The following TNC variants were observed in gnomAD, a reference collection of about 807,000 sequenced individuals.
The protein encoded by TNC is tenascin C.
Under a neutral mutation model 202.4 loss-of-function variants are expected in TNC, and 109 were observed. The ratio of observed to expected loss-of-function variants is 0.54; its 90% CI spans 0.46 to 0.63. TNC has a LOEUF of 0.63. TNC is among the 30% of genes least tolerant of loss of function. TNC has a pLI of 0.00. For synonymous variants in TNC, 1,007 were observed against 1,089.7 expected (o/e 0.92, Z 1.50); for missense variants, 2,756 against 2,833.3 (o/e 0.97, Z 0.62).
chr9:115,075,931 A>C, intron 9 of TNC, 101 bp downstream of exon 9: 1 of 1,029,146 alleles, frequency 9.7e-7, no homozygotes, highest in African/African-American at 1.6e-5. Context: ...TTTTTCCTCC[A>C]GGCTTCTACT....
At chr9:115,026,990 T>C (rs1343395777) in intron 25 of TNC, among the ~76,000 whole-genome samples, 3 of 151,780 alleles carry the variant, frequency 2.0e-5, no homozygotes, top group African/African-American at 4.8e-5. Flanking sequence ...GTGCCTGTAG[T>C]CCCAGCTACT....
Position 115,021,268 on chromosome 9 carries a change from C to A in TNC, c.6496-1G>T. 6.3e-7 allele frequency: 1 copy of A among 1,592,150 alleles called. No homozygotes were observed. The highest frequency in any genetic ancestry group is 1.8e-5 in the Admixed American group (1 of 56,606). ...CCTTCCAGTGGAACCAGTTAACGCCCTGTTAAAAAAAAAAAAGAGAGAGAG... is the reference window on the plus strand; with the variant it reads ...CCTTCCAGTGGAACCAGTTAACGCCATGTTAAAAAAAAAAAAGAGAGAGAG... On this transcript the variant is annotated splice_acceptor_variant, in intron 27 of 27. Coordinates refer to ENST00000350763, the MANE Select transcript of TNC (RefSeq NM_002160.4). LOFTEE classifies it high-confidence loss of function.
intron 1 of TNC, among the ~76,000 whole-genome samples, chr9:115,098,778 A>G (rs1180004002): frequency 6.6e-6 from 1 of 152,120 alleles, no homozygotes; most frequent in Non-Finnish European, 1.5e-5. Context: ...TACAGGCCAA[A>G]GAGTTTTATT....
At chr9:115,054,995 T>C (rs190000937) in intron 15 of TNC, among the ~76,000 whole-genome samples, 1 of 152,202 alleles carries the variant, frequency 6.6e-6, no homozygotes. Context: ...TCAGAGTCTA[T>C]TCTCAGCATG....
chr9:115,030,686 A>G (rs1268187924), intron 23 of TNC, among the ~76,000 whole-genome samples: 2 of 152,190 alleles, frequency 1.3e-5, no homozygotes, highest in Admixed American at 1.3e-4. Context: ...CCCTAGTATA[A>G]GAGCATCTTT....
intron 3 of TNC, among the ~76,000 whole-genome samples, chr9:115,085,272 A>C (rs1306856974): frequency 6.6e-6 from 1 of 152,218 alleles, no homozygotes; most frequent in Non-Finnish European, 1.5e-5. Context: ...ACAATCAAAA[A>C]AACAAAACCA....
chr9:115,095,946 C>T (rs1835759745), intron 1 of TNC, among the ~76,000 whole-genome samples: 2 of 151,948 alleles, frequency 1.3e-5, no homozygotes, highest in Admixed American at 6.6e-5. Flanking sequence ...TGGCACAAAA[C>T]GCAGATTTTT....
intron 4 of TNC, among the ~76,000 whole-genome samples, chr9:115,083,916 C>T (rs1303132921): frequency 6.6e-6 from 1 of 152,116 alleles, no homozygotes; most frequent in African/African-American, 2.4e-5. Flanking sequence ...AATGAGGACT[C>T]TTATACTAAT....
Position 115,084,197 on chromosome 9 carries a change from C to T in TNC, c.2131+12G>A, listed in dbSNP as rs781430829. The T allele has an allele frequency of 8.7e-6, 14 of 1,611,522 alleles. No homozygotes were observed. The African/African-American group carries it at 1.7e-4, about 20-fold the overall frequency. On this transcript the variant is annotated intron_variant, in intron 4 of 27. Transcript: ENST00000350763. ...TCAGGTGAGGCTGCCCAAAAGAGTTCTGCTCACTCACACGTGGCCACCCTG... is the reference window on the plus strand; with the variant it reads ...TCAGGTGAGGCTGCCCAAAAGAGTTTTGCTCACTCACACGTGGCCACCCTG...
At position 115,059,974 on chromosome 9, in the gene TNC, G is replaced by T; in HGVS notation, c.4062C>A (p.Ala1354=). The T allele has an allele frequency of 6.2e-7, 1 of 1,613,762 alleles. No individual in the cohort carries two copies. The part of the protein sequence containing the change: ...TEDLPQLGDL[A]VSEVGWDGLR... Reference sequence around the variant, plus strand: ...GGCCATCCCAGCCAACCTCAGACACGGCTAAATCTCCCAGCTGTGGGAGAT... The same window carrying T: ...GGCCATCCCAGCCAACCTCAGACACTGCTAAATCTCCCAGCTGTGGGAGAT... The change falls in exon 14 of 28, where the codon GCC becomes GCA. Residue 1354 remains alanine (A), a synonymous_variant. Coordinates refer to ENST00000350763, the MANE Select transcript of TNC (RefSeq NM_002160.4).
intron 10 of TNC, among the ~76,000 whole-genome samples, chr9:115,067,069 C>T (rs1214554911): frequency 6.6e-6 from 1 of 152,212 alleles, no homozygotes; most frequent in Non-Finnish European, 1.5e-5. Flanking sequence ...AAAGGGAGGA[C>T]CCCAAACTGC....
At chr9:115,036,422 A>G (rs1830339811) in intron 20 of TNC, among the ~76,000 whole-genome samples, 181 bp from the exon 21 acceptor site, 1 of 152,112 alleles carries the variant, frequency 6.6e-6, no homozygotes, top group African/African-American at 2.4e-5. Flanking sequence ...CTCACCTCAT[A>G]CGTAAAGGAT....
chr9:115,025,899 T>G (rs968539657), intron 26 of TNC, among the ~76,000 whole-genome samples: 3 of 152,176 alleles, frequency 2.0e-5, no homozygotes, highest in African/African-American at 7.2e-5. Context: ...AGACAAGGAA[T>G]GCAGGGGCCA....
chr9:115,045,466 A>C (rs1831102406), intron 17 of TNC, among the ~76,000 whole-genome samples: 1 of 152,010 alleles, frequency 6.6e-6, no homozygotes, highest in South Asian at 2.1e-4. Context: ...TCCTGGGCTC[A>C]AGAGATCTTC....
At chr9:115,035,754 G>A (rs1588019482) in intron 21 of TNC, 1 of 277,528 alleles carries the variant, frequency 3.6e-6, no homozygotes, top group East Asian at 6.8e-5. Flanking sequence ...AGGAAAAATT[G>A]CCTAAAAAAT....
rs1328834828 is a variant in TNC at position 115,085,929 on chromosome 9, A to G, written c.1802T>C (p.Leu601Ser). Residue 601 changes from leucine to serine, a missense_variant, in exon 3 of 28, where the codon TTA becomes TCA. Leu to Ser is a moderately radical substitution (Grantham distance 145). Coordinates refer to ENST00000350763, the MANE Select transcript of TNC (RefSeq NM_002160.4). ...QHSCPSDCNNLGQCVSGRCIC... is the reference protein window; with the variant it reads ...QHSCPSDCNNSGQCVSGRCIC... Reference sequence around the variant, plus strand: ...GCAGCGGCCCGAGACGCATTGTCCTAAGTTGTTGCAGTCACTGGGGCAGGA... The same window carrying G: ...GCAGCGGCCCGAGACGCATTGTCCTGAGTTGTTGCAGTCACTGGGGCAGGA... The G allele has an allele frequency of 6.2e-7, 1 of 1,613,808 alleles. No homozygotes were observed. The highest frequency in any genetic ancestry group is 8.5e-7 in the Non-Finnish European group (1 of 1,179,890).
At chr9:115,088,346 G>C (rs999026175) in intron 2 of TNC, among the ~76,000 whole-genome samples, 22 of 152,192 alleles carry the variant, frequency 1.4e-4, no homozygotes, top group African/African-American at 5.3e-4. Flanking sequence ...CAACTAAAAT[G>C]AGGTAGCTAA....
chr9:115,113,049 T>C (rs1251550160), intron 1 of TNC, among the ~76,000 whole-genome samples: 5 of 152,198 alleles, frequency 3.3e-5, no homozygotes, highest in African/African-American at 1.2e-4. Flanking sequence ...TATTACATTA[T>C]GGGTCACATG....
At chr9:115,065,738 C>T (rs1163211836) in intron 10 of TNC, among the ~76,000 whole-genome samples, 1 of 151,730 alleles carries the variant, frequency 6.6e-6, no homozygotes, top group Non-Finnish European at 1.5e-5. Context: ...CCCGTGTCTA[C>T]AAAAAATACA....
Sources: allele counts gnomAD v4.1 joint callset (sites outside exome capture counted in the v4.1 genomes callset), GRCh38; gene constraint gnomAD v4.1.1; transcripts MANE v1.5; gene names NCBI Gene and HGNC (gene_info 2026-07-23, HGNC 2026-07-21).